CLEC12A: variants seen among roughly 807,000 people sequenced by gnomAD.
CLEC12A encodes the protein C-type lectin domain family 12 member A.
CLEC12A carries 22 observed loss-of-function variants against 26.5 expected under a neutral mutation model. That is an observed-to-expected ratio of 0.83 (90% CI 0.59 to 1.19). CLEC12A has a LOEUF of 1.19. Ranked by LOEUF, CLEC12A falls within the 50% of genes most tolerant of loss-of-function variation. CLEC12A has a pLI of 0.00. For synonymous variants in CLEC12A, 119 were observed against 101.9 expected, an observed-to-expected ratio of 1.17 and a Z score of -1.01; for missense variants, 353 against 315.6, an observed-to-expected ratio of 1.12 and a Z score of -0.90.
chr12:9,979,288 T>C (rs1864456784), intron 2 of CLEC12A, 48 bp from the exon 3 acceptor site: 2 of 1,347,824 alleles, frequency 1.5e-6, no homozygotes, highest in African/African-American at 1.5e-5. Context: ...TAAAGGATGA[T>C]GGCTCTATTG....
At chr12:9,993,413 A>AG (rs1251519351) in intron 4 of CLEC12A, 2 of 744,836 alleles carry the variant, frequency 2.7e-6, no homozygotes, top group Non-Finnish European at 4.2e-6. Context: ...AAACAAAAAA[A>AG]AAAACGATTC....
intron 1 of CLEC12A, among the ~76,000 whole-genome samples, chr12:9,954,588 A>G (rs988863965): frequency 1.3e-5 from 2 of 152,232 alleles, no homozygotes; most frequent in Admixed American, 1.3e-4. Context: ...ATAAAGTTCA[A>G]CCATGTGAAC....
At chr12:9,974,111 A>C (rs1864239743) in intron 1 of CLEC12A, among the ~76,000 whole-genome samples, 1 of 152,128 alleles carries the variant, frequency 6.6e-6, no homozygotes, top group African/African-American at 2.4e-5. Flanking sequence ...TAGGTCACTG[A>C]TGTCCTGCCT....
At chr12:9,976,486 C>T (rs550636084) in intron 1 of CLEC12A, among the ~76,000 whole-genome samples, 3 of 152,272 alleles carry the variant, frequency 2.0e-5, no homozygotes, top group East Asian at 3.9e-4. Context: ...GCCAATTTCT[C>T]CCATTTGGAA....
At chr12:9,968,699 C>A (rs1184819955), upstream of CLEC12A, among the ~76,000 whole-genome samples, 2 of 151,918 alleles carry the variant, frequency 1.3e-5, no homozygotes, top group Non-Finnish European at 2.9e-5. Context: ...CAATAACAAC[C>A]CACAAAAAAT....
intron 1 of CLEC12A, among the ~76,000 whole-genome samples, chr12:9,958,380 T>C (rs1362233215): frequency 1.3e-5 from 2 of 152,184 alleles, no homozygotes; most frequent in East Asian, 3.8e-4. Context: ...CTGTGAGAAC[T>C]ATTTACTCTG....
chr12:9,972,060 GT>G (rs60417066), intron 1 of CLEC12A, among the ~76,000 whole-genome samples: 4,502 of 37,402 alleles, frequency 0.12, 75 homozygotes, highest in South Asian at 0.24. Context: ...GTGTGTGTGT[GT>G]TTTTTTTTTT....
chr12:10,001,842 T>C, the CLEC12A span, among the ~76,000 whole-genome samples: 1 of 152,128 alleles, frequency 6.6e-6, no homozygotes, highest in Non-Finnish European at 1.5e-5. Context: ...TCTCTTCTCC[T>C]TTTCTTCACT....
intron 1 of CLEC12A, among the ~76,000 whole-genome samples, chr12:9,975,639 TAA>T (rs775428453): frequency 3.9e-5 from 6 of 152,008 alleles, no homozygotes; most frequent in Non-Finnish European, 8.8e-5. Flanking sequence ...CAATGATAAA[TAA>T]AAGAAAATCC....
intron 1 of CLEC12A, among the ~76,000 whole-genome samples, chr12:9,973,430 G>A (rs1186794152): frequency 6.6e-6 from 1 of 151,982 alleles, no homozygotes; most frequent in Non-Finnish European, 1.5e-5. Flanking sequence ...CTCCAGTCTG[G>A]GTGACACAGC....
chr12:9,954,205 TAAAAAAAA>T (rs35173002), intron 1 of CLEC12A, among the ~76,000 whole-genome samples: 41 of 64,444 alleles, frequency 6.4e-4, no homozygotes, highest in East Asian at 2.1e-3. Context: ...GAATTATCAA[TAAAAAAAA>T]AAAAAAAAAA....
intron 1 of CLEC12A, among the ~76,000 whole-genome samples, chr12:9,959,778 GC>G (rs1193704072): frequency 6.6e-6 from 1 of 152,142 alleles, no homozygotes; most frequent in Non-Finnish European, 1.5e-5. Flanking sequence ...AAAAGGTCTT[GC>G]CCCTTGCCCT....
intron 1 of CLEC12A, among the ~76,000 whole-genome samples, chr12:9,975,095 G>A (rs1864284516): frequency 6.6e-6 from 1 of 152,174 alleles, no homozygotes; most frequent in African/African-American, 2.4e-5. Flanking sequence ...ATGGAACCAT[G>A]AGTCCATTAA....
In CLEC12A at chr12:9,991,445, A is replaced by G. The variant is rs193140940; in HGVS notation, n.1005-3573A>G. 21 of 152,292 alleles carry G rather than the reference A, an allele frequency of 1.4e-4. No homozygotes were observed. In the East Asian group the frequency reaches 3.7e-3, roughly 27 times the overall value. 9.4% of individuals were successfully genotyped at this position (152,292 alleles called of 1,614,324 possible). A position where few individuals can be genotyped will look rare whatever the true frequency, so the allele number is the denominator to read the frequency against. On this transcript the variant is annotated intron_variant and non_coding_transcript_variant, in intron 4 of 4. Coordinates refer to the CLEC12A transcript ENST00000449959. ...TATGTTTTTCCATTTTAGGGAGATG[A>G]AACAAAGTTGAGTTGCTAATTTTGT...
upstream of CLEC12A, among the ~76,000 whole-genome samples, chr12:9,970,007 A>T (rs1041845516): frequency 3.9e-5 from 6 of 152,220 alleles, no homozygotes; most frequent in Non-Finnish European, 8.8e-5. Context: ...AGTACTTAGG[A>T]TGAAGTAATC....
chr12:10,002,466 G>A, the CLEC12A span, among the ~76,000 whole-genome samples: 1 of 24,794 alleles, frequency 4.0e-5, no homozygotes, highest in African/African-American at 1.4e-4. Context: ...TTTTTGAGAC[G>A]GAGTCTCGCT....
the CLEC12A span, among the ~76,000 whole-genome samples, chr12:10,004,960 C>T: frequency 6.6e-6 from 1 of 151,544 alleles, no homozygotes; most frequent in Non-Finnish European, 1.5e-5. Context: ...AGGAACAACC[C>T]TCTTCTACCC....
chr12:9,996,856 C>T (rs780446821), downstream of CLEC12A: 34 of 1,613,888 alleles, frequency 2.1e-5, no homozygotes, highest in East Asian at 4.5e-5. Context: ...CACAATGTTC[C>T]GGTTGTCAAT....
chr12:10,003,603 A>T, the CLEC12A span, among the ~76,000 whole-genome samples: 1 of 152,322 alleles, frequency 6.6e-6, no homozygotes, highest in Admixed American at 6.5e-5. Flanking sequence ...GTTCGAATAC[A>T]TGTACCTCTT....
Sources: gnomAD v4.1 joint callset for allele counts (sites outside exome capture counted in the v4.1 genomes callset) on GRCh38, gnomAD v4.1.1 for gene constraint, MANE v1.5 for transcripts, NCBI Gene and HGNC (gene_info 2026-07-23, HGNC 2026-07-21) for gene names.